The following MEGF11 variants were observed in gnomAD, a reference collection of about 807,000 sequenced individuals.
MEGF11 encodes the protein multiple epidermal growth factor-like domains protein 11.
A neutral mutation model predicts 146.6 loss-of-function variants in MEGF11; 126 were observed. The ratio of observed to expected loss-of-function variants is 0.86; its 90% CI spans 0.74 to 1.00. MEGF11 has a LOEUF of 1.00. Ranked by LOEUF, MEGF11 falls within the 50% of genes least tolerant of loss-of-function variation. The pLI, the probability that MEGF11 is intolerant of heterozygous loss-of-function variation, is 0.00. For synonymous variants in MEGF11, 532 were observed against 583.4 expected (o/e 0.91, Z 1.27); for missense variants, 1,509 against 1,521.2 (o/e 0.99, Z 0.13).
chr15:66,181,778 G>A (rs1445598652), intron 1 of MEGF11, among the ~76,000 whole-genome samples: 2 of 152,148 alleles, frequency 1.3e-5, no homozygotes, highest in Non-Finnish European at 2.9e-5. Flanking sequence ...GGGGAGGGGC[G>A]CTGTGTCTCT....
chr15:66,202,654 C>T (rs940310411), intron 1 of MEGF11, among the ~76,000 whole-genome samples: 2 of 152,238 alleles, frequency 1.3e-5, no homozygotes, highest in African/African-American at 4.8e-5. Context: ...CCAACCAATA[C>T]AGAATGTCGA....
intron 10 of MEGF11, among the ~76,000 whole-genome samples, chr15:65,939,158 A>G (rs934984914): frequency 1.3e-5 from 2 of 152,210 alleles, no homozygotes; most frequent in Admixed American, 6.5e-5. Flanking sequence ...TTCTCTAGAT[A>G]CAGGCCAAGG....
At chr15:66,228,303 C>CT (rs1390431372) in intron 1 of MEGF11, among the ~76,000 whole-genome samples, 1 of 152,130 alleles carries the variant, frequency 6.6e-6, no homozygotes, top group African/African-American at 2.4e-5. Flanking sequence ...TGCCCAGGGG[C>CT]TTACGAAGCC....
intron 5 of MEGF11, among the ~76,000 whole-genome samples, chr15:65,985,927 A>G (rs184061788): frequency 3.1e-4 from 47 of 151,656 alleles, no homozygotes; most frequent in African/African-American, 1.1e-3. Context: ...GTGTGTGTAT[A>G]TGCACATGTG....
intron 1 of MEGF11, among the ~76,000 whole-genome samples, chr15:66,234,297 G>A (rs1027926592): frequency 2.6e-5 from 4 of 152,374 alleles, no homozygotes. Context: ...GAGAGGAACA[G>A]CCAGAGAGGC....
intron 22 of MEGF11, 73 bp from the exon 23 acceptor site, chr15:65,909,208 T>TA: frequency 9.2e-7 from 1 of 1,090,278 alleles, no homozygotes. Context: ...GGGTAGGAAG[T>TA]ACACAAGTGG....
chr15:65,990,355 A>C (rs908499800), intron 5 of MEGF11, among the ~76,000 whole-genome samples: 86 of 152,222 alleles, frequency 5.6e-4, no homozygotes, highest in African/African-American at 2.1e-3. Context: ...GTTCAAGACC[A>C]GCCTGGGCAA....
chr15:66,126,020 C>A (rs2088321750), intron 2 of MEGF11, among the ~76,000 whole-genome samples: 1 of 152,190 alleles, frequency 6.6e-6, no homozygotes, highest in South Asian at 2.1e-4. Flanking sequence ...GGTTTCATGG[C>A]TGGGTGGCTT....
intron 1 of MEGF11, among the ~76,000 whole-genome samples, chr15:66,220,453 A>T (rs1016851766): frequency 6.6e-6 from 1 of 152,030 alleles, no homozygotes; most frequent in Non-Finnish European, 1.5e-5. Context: ...ATGGAGAACA[A>T]ATCTGTGGTT....
intron 1 of MEGF11, among the ~76,000 whole-genome samples, chr15:66,146,680 ACT>A (rs1045102983): frequency 2.0e-5 from 3 of 151,696 alleles, no homozygotes; most frequent in African/African-American, 7.3e-5. Flanking sequence ...GTGTCTAAGG[ACT>A]CTCTCTCAAT....
chr15:65,975,299 G>T (rs2081412799), intron 7 of MEGF11, among the ~76,000 whole-genome samples: 1 of 152,308 alleles, frequency 6.6e-6, no homozygotes, highest in African/African-American at 2.4e-5. Flanking sequence ...CATCTGGCCA[G>T]GTTCCTGTCC....
intron 1 of MEGF11, among the ~76,000 whole-genome samples, chr15:66,178,579 A>G (rs2141140760): frequency 6.6e-6 from 1 of 152,348 alleles, no homozygotes; most frequent in South Asian, 2.1e-4. Context: ...GAGCAAATCC[A>G]GGACCTAGGT....
chr15:65,959,525 T>A (rs1265553134), intron 9 of MEGF11, among the ~76,000 whole-genome samples: 1 of 152,252 alleles, frequency 6.6e-6, no homozygotes, highest in East Asian at 1.9e-4. Flanking sequence ...AATCTGAGGC[T>A]ACATATCAGG....
intron 5 of MEGF11, among the ~76,000 whole-genome samples, chr15:66,049,139 G>A (rs2084349559): frequency 6.6e-6 from 1 of 152,120 alleles, no homozygotes; most frequent in South Asian, 2.1e-4. Flanking sequence ...CCCTGCCTTT[G>A]GAACTGGTTA....
chr15:65,914,356 C>G (rs2078921434), intron 19 of MEGF11, among the ~76,000 whole-genome samples: 1 of 152,096 alleles, frequency 6.6e-6, no homozygotes, highest in Non-Finnish European at 1.5e-5. Flanking sequence ...ATTACATAAC[C>G]TATAATTGGC....
chr15:65,951,515 C>T (rs1044790755), intron 10 of MEGF11, among the ~76,000 whole-genome samples: 3 of 152,038 alleles, frequency 2.0e-5, no homozygotes, highest in Non-Finnish European at 4.4e-5. Flanking sequence ...GGTGAAACCC[C>T]GTCTCTACTA....
intron 1 of MEGF11, among the ~76,000 whole-genome samples, chr15:66,149,528 C>T (rs55939037): frequency 0.038 from 5,847 of 152,224 alleles, 368 homozygotes; most frequent in African/African-American, 0.13. Context: ...TCCACTGTCA[C>T]ACCCCCCTCC....
At chr15:66,147,673 C>G (rs184130935) in intron 1 of MEGF11, among the ~76,000 whole-genome samples, 1 of 152,292 alleles carries the variant, frequency 6.6e-6, no homozygotes, top group Admixed American at 6.5e-5. Flanking sequence ...AGAAGTGGCT[C>G]TTTCTCACCT....
chr15:65,908,634 T>C (rs1296541673), intron 23 of MEGF11, among the ~76,000 whole-genome samples: 1 of 152,202 alleles, frequency 6.6e-6, no homozygotes. Flanking sequence ...CTGGGAGACA[T>C]TGGACTTTAT....
Sources: gnomAD v4.1 joint callset for allele counts (sites outside exome capture counted in the v4.1 genomes callset) on GRCh38, gnomAD v4.1.1 for gene constraint, MANE v1.5 for transcripts, NCBI Gene and HGNC (gene_info 2026-07-23, HGNC 2026-07-21) for gene names.